Variants in GZMH observed in about 807,000 individuals in gnomAD.
The protein encoded by GZMH is cathepsin G-like 2, protein h-CCPX.
Under a neutral mutation model 20.7 loss-of-function variants are expected in GZMH, and 24 were observed. That is an observed-to-expected ratio of 1.16 (90% CI 0.84 to 1.63). The LOEUF is 1.63. Among genes scored for constraint, GZMH ranks in the 40% most tolerant of loss-of-function variants. The pLI is 0.00. For synonymous variants in GZMH, 119 were observed against 116.1 expected (o/e 1.02, Z -0.16); for missense variants, 344 against 302.7 (o/e 1.14, Z -1.01).
intron 1 of GZMH, among the ~76,000 whole-genome samples, chr14:24,608,914 G>A (rs2066891966): frequency 6.6e-6 from 1 of 152,250 alleles, no homozygotes; most frequent in Non-Finnish European, 1.5e-5. Flanking sequence ...CCTCCAATTA[G>A]CCTTTGGCTG....
rs144480684 is a variant in GZMH, at chr14:24,606,743, C to G, written c.601G>C (p.Asp201His). The change falls in exon 5 of 5, where the codon GAC (aspartate) becomes CAC (histidine). Residue 201 changes from aspartate to histidine, a missense_variant. Coordinates refer to ENST00000216338, the MANE Select transcript of GZMH (RefSeq NM_033423.5). ...PKKTQTGFKG[D>H]SGGPLVCKDV... is the part of the protein sequence containing the mutation. ...TTACACACGAGGGGCCCCCCGGAGT[C>G]CCCCTGTGAACAGAGAGAGGAAAGA... 6.1e-4 allele frequency: 983 copies of G among 1,613,032 alleles called. 8 individuals carry two copies. In the African/African-American group the frequency reaches 0.01, roughly 17 times the overall value.
At chr14:24,607,521 G>T (rs1477604174) in intron 3 of GZMH, 91 bp downstream of exon 3, 13 of 1,606,160 alleles carry the variant, frequency 8.1e-6, no homozygotes, top group Middle Eastern at 2.2e-4. Flanking sequence ...TGACCAAGAG[G>T]TCAGGATGGA....
chr14:24,608,533 C>T, intron 1 of GZMH, 121 bp from the exon 2 acceptor site: 1 of 1,044,724 alleles, frequency 9.6e-7, no homozygotes, highest in Admixed American at 2.0e-5. Flanking sequence ...GGGAGGGGTC[C>T]TCCTGAGCTC....
chr14:24,606,861 C>T (rs1423496297), intron 4 of GZMH, 115 bp from the exon 5 acceptor site: 2 of 964,132 alleles, frequency 2.1e-6, no homozygotes, highest in African/African-American at 1.6e-5. Context: ...TCCCTCAGTC[C>T]TGGGTCTCCA....
intron 1 of GZMH, among the ~76,000 whole-genome samples, chr14:24,609,046 AAAATG>A (rs1316469683): frequency 6.6e-6 from 1 of 152,224 alleles, no homozygotes; most frequent in Non-Finnish European, 1.5e-5. Flanking sequence ...AAATCAACTA[AAAATG>A]AATCGCAAAG....
At chr14:24,607,898 C>G in intron 2 of GZMH, 151 bp from the exon 3 acceptor site, 2 of 1,093,614 alleles carry the variant, frequency 1.8e-6, no homozygotes, top group South Asian at 3.1e-5. Flanking sequence ...TGACTGTGCC[C>G]TCTACTTCAC....
Position 24,608,265 on chromosome 14 carries a change from C to T in GZMH, c.203G>A (p.Ser68Asn). ...GAGGTGAGCTGGTGCTGCTCCTTAC[C>T]TTCCCTGGCAGTGAGCAGCTGTCAG... is the stretch of plus-strand genomic sequence containing the variant. Reference protein sequence around the residue: ...FVLTAAHCQGSSINVTLGAHN... With the variant: ...FVLTAAHCQGNSINVTLGAHN... Residue 68 changes from serine to asparagine, a missense_variant and splice_region_variant, in exon 2 of 5, where the codon AGC (serine) becomes AAC (asparagine). Coordinates refer to ENST00000216338, the MANE Select transcript of GZMH (RefSeq NM_033423.5). The T allele has an allele frequency of 6.2e-7, 1 of 1,614,100 alleles. No homozygotes were observed. The highest frequency in any genetic ancestry group is 8.5e-7 in the Non-Finnish European group (1 of 1,179,962).
Position 24,607,355 on chromosome 14 carries a change from T to A in GZMH, c.391A>T (p.Ser131Cys). 1 of 1,610,048 alleles carries A rather than the reference T, an allele frequency of 6.2e-7. No homozygotes were observed. Among genetic ancestry groups the A allele is most frequent in the Non-Finnish European group, 8.5e-7 (1 of 1,176,916 alleles). The change falls in exon 4 of 5, where the codon AGC (serine) becomes TGC (cysteine). Residue 131 changes from serine to cysteine, a missense_variant. Physicochemically the swap from Ser to Cys is moderately radical, Grantham distance 112. Coordinates refer to ENST00000216338, the MANE Select transcript of GZMH (RefSeq NM_033423.5). ...CCTGGCTTCACCTGGGCCTTGCTGC[T>A]AGGTAGCCTGAGAGGCCGCACAGCT... ...TTAVRPLRLP[S>C]SKAQVKPGQL... is the part of the protein sequence containing the mutation.
intron 4 of GZMH, 34 bp from the exon 5 acceptor site, chr14:24,606,780 T>C: frequency 6.3e-7 from 1 of 1,597,556 alleles, no homozygotes; most frequent in East Asian, 2.2e-5. Context: ...TGAGCTAGTG[T>C]TCCCTGGGAT....
chr14:24,606,754 C>T lies in GZMH; in HGVS notation c.598-8G>A, dbSNP rs1316438205. ...GGGCCCCCCGGAGTCCCCCTGTGAA[C>T]AGAGAGAGGAAAGACTGAGCTAGTG... On this transcript the variant is annotated splice_region_variant and splice_polypyrimidine_tract_variant and intron_variant, in intron 4 of 4. Coordinates refer to ENST00000216338, the MANE Select transcript of GZMH (RefSeq NM_033423.5). 1.2e-5 allele frequency: 19 copies of T among 1,611,504 alleles called. No individual in the cohort carries two copies. The highest frequency in any genetic ancestry group is 1.5e-5 in the Non-Finnish European group (18 of 1,178,928).
At position 24,608,426 on chromosome 14, in the gene GZMH, C is replaced by T; in HGVS notation, c.56-14G>A. 7.4e-6 allele frequency: 12 copies of T among 1,613,706 alleles called. No individual in the cohort carries two copies. Among genetic ancestry groups the T allele is most frequent in the East Asian group, 2.2e-5 (1 of 44,872 alleles). ...CGATGATCTCCTCTGAAAGGAAAGA[C>T]TGGAAGATAAAGTAGCTGGGGATGG... On this transcript the variant is annotated splice_polypyrimidine_tract_variant and intron_variant, in intron 1 of 4. Coordinates refer to ENST00000216338, the MANE Select transcript of GZMH (RefSeq NM_033423.5).
At chr14:24,609,500 TG>T in intron 1 of GZMH, 58 bp downstream of exon 1, 1 of 1,150,312 alleles carries the variant, frequency 8.7e-7, no homozygotes, top group Non-Finnish European at 1.2e-6. Flanking sequence ...CCAGTGCTCA[TG>T]GGTACAGGGT....
rs774580301 is a variant in GZMH at position 24,609,569 on chromosome 14, C to G, written c.45G>C (p.Gly15=). Reference sequence around the variant, plus strand: ...GGGATAGTCACTTACCTGTCCCAGCCCCAGGGGTCAGAAGAAAGGCCAACA... The same window carrying G: ...GGGATAGTCACTTACCTGTCCCAGCGCCAGGGGTCAGAAGAAAGGCCAACA... ...LLLLAFLLTP[G]AGTEEIIGGH... The change falls in exon 1 of 5, where the codon GGG becomes GGC. Residue 15 remains glycine (G), a synonymous_variant. Coordinates refer to ENST00000216338, the MANE Select transcript of GZMH (RefSeq NM_033423.5). 6.2e-7 allele frequency: 1 copy of G among 1,608,446 alleles called. No homozygotes were observed. The highest frequency in any genetic ancestry group is 1.1e-5 in the South Asian group (1 of 89,960).
rs780977697 is a variant in GZMH at position 24,607,162 on chromosome 14, T to G, written c.584A>C (p.Gln195Pro). 4 of 1,613,094 alleles carry G rather than the reference T, an allele frequency of 2.5e-6. No individual in the cohort carries two copies. The highest frequency in any genetic ancestry group is 3.4e-6 in the Non-Finnish European group (4 of 1,179,426). ...EICVGDPKKT[Q>P]TGFKGDSGGP... ...TGGAAACCCAACCTTGAAACCGGTC[T>G]GTGTCTTCTTTGGATCCCCCACACA... The change falls in exon 4 of 5, where the codon CAG (glutamine) becomes CCG (proline). Residue 195 changes from glutamine to proline, a missense_variant. Physicochemically the swap from Gln to Pro is moderately conservative, Grantham distance 76. Transcript: ENST00000216338.
intron 2 of GZMH, among the ~76,000 whole-genome samples, 174 bp downstream of exon 2, chr14:24,608,091 T>A (rs893302727): frequency 2.6e-5 from 4 of 152,176 alleles, no homozygotes; most frequent in African/African-American, 7.2e-5. Flanking sequence ...TCTGACCCTG[T>A]CCTATTTCTC....
At position 24,606,743 on chromosome 14, in the gene GZMH, C is replaced by T. The variant is rs144480684; in HGVS notation, c.601G>A (p.Asp201Asn). 6.8e-6 allele frequency: 11 copies of T among 1,612,920 alleles called. No individual in the cohort carries two copies. The highest frequency in any genetic ancestry group is 3.5e-4 in the Middle Eastern group (2 of 5,796). The change falls in exon 5 of 5, where the codon GAC (aspartate) becomes AAC (asparagine). Residue 201 changes from aspartate (D) to asparagine (N), a missense_variant. Asp to Asn is a conservative substitution (Grantham distance 23). Coordinates refer to ENST00000216338, the MANE Select transcript of GZMH (RefSeq NM_033423.5). ...PKKTQTGFKG[D>N]SGGPLVCKDV... ...TTACACACGAGGGGCCCCCCGGAGT[C>T]CCCCTGTGAACAGAGAGAGGAAAGA...
rs751938436 is a variant in GZMH, at chr14:24,608,374, G to A, written c.94C>T (p.Arg32Cys). 20 of 1,614,034 alleles carry A rather than the reference G, an allele frequency of 1.2e-5. No individual in the cohort carries two copies. The highest frequency in any genetic ancestry group is 2.7e-5 in the African/African-American group (2 of 74,942). Residue 32 changes from arginine to cysteine, a missense_variant, in exon 2 of 5, where the codon CGC becomes TGC. By Grantham distance (180) the Arg-to-Cys change is radical. Transcript: ENST00000216338. ...IGGHEAKPHS[R>C]PYMAFVQFLQ... Reference sequence around the variant, plus strand: ...AACTGAACAAAGGCCATGTAGGGGCGGGAGTGGGGCTTGGCCTCATGGCCC... The same window carrying A: ...AACTGAACAAAGGCCATGTAGGGGCAGGAGTGGGGCTTGGCCTCATGGCCC...
At chr14:24,608,169 C>T in intron 2 of GZMH, 96 bp downstream of exon 2, 3 of 1,345,762 alleles carry the variant, frequency 2.2e-6, no homozygotes, top group South Asian at 1.3e-5. Context: ...CTTGTGTTAC[C>T]AGGAACTCTG....
intron 2 of GZMH, 27 bp downstream of exon 2, chr14:24,608,238 A>C: frequency 1.2e-6 from 2 of 1,613,624 alleles, no homozygotes; most frequent in Non-Finnish European, 1.7e-6. Flanking sequence ...GGGGGAACTC[A>C]GGAGGTGAGC....
Sources: allele counts gnomAD v4.1 joint callset (sites outside exome capture counted in the v4.1 genomes callset), GRCh38; gene constraint gnomAD v4.1.1; transcripts MANE v1.5; gene names NCBI Gene and HGNC (gene_info 2026-07-23, HGNC 2026-07-21).